The following MFSD11 variants were observed in gnomAD, a reference collection of about 807,000 sequenced individuals.
The protein encoded by MFSD11 is UNC93-like protein MFSD11.
In MFSD11, 36 loss-of-function variants were observed where a neutral mutation model predicts 53.5. The observed-to-expected ratio is 0.67, with a 90% confidence interval of 0.52 to 0.89. The LOEUF (loss-of-function observed/expected upper bound fraction) is 0.89, where lower values mean the gene tolerates loss of function less well. Ranked by LOEUF, MFSD11 falls within the 40% of genes least tolerant of loss-of-function variation. MFSD11 has a pLI of 0.00. For synonymous variants in MFSD11, 186 were observed against 184.9 expected, an observed-to-expected ratio of 1.01 and a Z score of -0.05; for missense variants, 530 against 543.9, an observed-to-expected ratio of 0.97 and a Z score of 0.25.
intron 8 of MFSD11, among the ~76,000 whole-genome samples, chr17:76,762,555 C>T (rs2080364239): frequency 6.7e-6 from 1 of 150,290 alleles, no homozygotes; most frequent in African/African-American, 2.4e-5. Context: ...TAGTCCCAGG[C>T]TGAGGCAGGA....
chr17:76,775,192 C>T, intron 11 of MFSD11, 21 bp downstream of exon 11: 1 of 1,611,028 alleles, frequency 6.2e-7, no homozygotes. Context: ...TGTCATTTCT[C>T]TAGTCGCTTG....
chr17:76,759,203 A>G (rs573808702), intron 8 of MFSD11, among the ~76,000 whole-genome samples: 128 of 152,298 alleles, frequency 8.4e-4, no homozygotes, highest in African/African-American at 3.0e-3. Flanking sequence ...GCAGAGAATT[A>G]TGATCACACC....
chr17:76,788,004 G>T, the MFSD11 span, among the ~76,000 whole-genome samples: 9,033 of 148,036 alleles, frequency 0.061, 1,189 homozygotes, highest in African/African-American at 0.21. Flanking sequence ...TGCTTTTTTT[G>T]TTGTTTGTTT....
At chr17:76,755,812 A>ATATATTTTTTT (rs1555669398) in intron 8 of MFSD11, among the ~76,000 whole-genome samples, 2 of 19,518 alleles carry the variant, frequency 1.0e-4, no homozygotes, top group African/African-American at 3.3e-4. Flanking sequence ...ATATATATAT[A>ATATATTTTTTT]TTTTTTTTTT....
intron 3 of MFSD11, among the ~76,000 whole-genome samples, chr17:76,741,733 A>T (rs2078101536): frequency 6.6e-6 from 1 of 152,192 alleles, no homozygotes; most frequent in Non-Finnish European, 1.5e-5. Context: ...GGTTGCAGTG[A>T]GCTGTGATGG....
chr17:76,777,478 G>A (rs1170065225), intron 12 of MFSD11, among the ~76,000 whole-genome samples: 4 of 152,142 alleles, frequency 2.6e-5, no homozygotes, highest in African/African-American at 9.7e-5. Flanking sequence ...CAAGTGATCC[G>A]CCCGCTTGGG....
At chr17:76,769,643 G>A in intron 9 of MFSD11, 103 bp from the exon 10 acceptor site, 1 of 826,350 alleles carries the variant, frequency 1.2e-6, no homozygotes, top group Non-Finnish European at 1.9e-6. Flanking sequence ...TGAGTTTTAT[G>A]TGTTTTACTA....
intron 10 of MFSD11, chr17:76,773,475 A>G (rs2081547677): frequency 6.6e-6 from 1 of 152,174 alleles, no homozygotes; most frequent in Non-Finnish European, 1.5e-5. Context: ...TTAATGGGTA[A>G]TGATGTTGAG....
chr17:76,738,851 T>C, intron 1 of MFSD11, 87 bp from the exon 2 acceptor site: 1 of 1,007,618 alleles, frequency 9.9e-7, no homozygotes, highest in South Asian at 1.3e-5. Context: ...TACTTTATTC[T>C]CTTGCTGAGT....
In MFSD11 at chr17:76,774,140, G is replaced by A. The variant is rs552185734; in HGVS notation, c.875-857G>A. On this transcript the variant is annotated intron_variant, in intron 10 of 12. Transcript: ENST00000685175. ...AGGGTTTCACCATGTTGGCCAGGCT[G>A]GTCTCGAACTCCTGACCTCGGGTGA... 2.0e-3 allele frequency among the ~76,000 whole-genome samples: 308 copies of A among 152,086 alleles called. 2 individuals are homozygous for A. Among genetic ancestry groups the A allele is most frequent in the African/African-American group, 6.9e-3 (285 of 41,492 alleles).
the MFSD11 span, among the ~76,000 whole-genome samples, chr17:76,797,458 ATATGT>A: frequency 6.6e-6 from 1 of 152,146 alleles, no homozygotes; most frequent in East Asian, 1.9e-4. Flanking sequence ...TAGTATGCTA[ATATGT>A]TATACTTAGC....
chr17:76,747,766 G>C (rs1204206405), intron 7 of MFSD11, among the ~76,000 whole-genome samples: 1 of 152,158 alleles, frequency 6.6e-6, no homozygotes, highest in African/African-American at 2.4e-5. Context: ...GAGGACAAAT[G>C]CCGCCCATCC....
chr17:76,741,488 T>C (rs1336425601), intron 3 of MFSD11, among the ~76,000 whole-genome samples: 1 of 152,054 alleles, frequency 6.6e-6, no homozygotes, highest in Non-Finnish European at 1.5e-5. Context: ...AATAATAAAT[T>C]ATGGGCCAGG....
intron 8 of MFSD11, among the ~76,000 whole-genome samples, chr17:76,765,173 AT>A (rs1378549468): frequency 6.6e-6 from 1 of 151,962 alleles, no homozygotes; most frequent in Non-Finnish European, 1.5e-5. Flanking sequence ...TTTTCAGTTA[AT>A]TTTTACATAT....
chr17:76,747,496 A>T (rs11869266), intron 7 of MFSD11, among the ~76,000 whole-genome samples: 1 of 152,088 alleles, frequency 6.6e-6, no homozygotes, highest in East Asian at 1.9e-4. Context: ...CACCATACCC[A>T]GCTAATTTTT....
chr17:76,742,281 T>A lies in MFSD11; in HGVS notation c.437+8T>A, dbSNP rs2078159189. 1 of 1,607,052 alleles carries A rather than the reference T, an allele frequency of 6.2e-7. No individual in the cohort carries two copies. The highest frequency in any genetic ancestry group is 1.7e-5 in the Admixed American group (1 of 59,818). On this transcript the variant is annotated splice_region_variant and intron_variant, in intron 5 of 12. Transcript: ENST00000685175. ...GGCACTTCTGCAGTCTAGGTAATTATCCTTTTGAGGTTCAGTCTTTCCTTT... is the reference window on the plus strand; with the variant it reads ...GGCACTTCTGCAGTCTAGGTAATTAACCTTTTGAGGTTCAGTCTTTCCTTT...
At chr17:76,777,923 C>T (rs2081991871) in intron 12 of MFSD11, among the ~76,000 whole-genome samples, 1 of 152,156 alleles carries the variant, frequency 6.6e-6, no homozygotes, top group South Asian at 2.1e-4. Context: ...AAGCATTTCT[C>T]CCACCTTGGC....
intron 10 of MFSD11, 52 bp from the exon 11 acceptor site, chr17:76,774,945 G>T: frequency 6.4e-7 from 1 of 1,574,402 alleles, no homozygotes; most frequent in Non-Finnish European, 8.7e-7. Flanking sequence ...TCAGGCCTGG[G>T]TATGTGATGT....
intron 8 of MFSD11, among the ~76,000 whole-genome samples, chr17:76,763,425 G>A (rs186556779): frequency 5.9e-5 from 9 of 151,870 alleles, no homozygotes; most frequent in Admixed American, 5.9e-4. Context: ...TACCCCTCCC[G>A]GCTAACTGTT....
Sources: allele counts gnomAD v4.1 joint callset (sites outside exome capture counted in the v4.1 genomes callset), GRCh38; gene constraint gnomAD v4.1.1; transcripts MANE v1.5; gene names NCBI Gene and HGNC (gene_info 2026-07-23, HGNC 2026-07-21).